DLG5: variants seen among roughly 807,000 people sequenced by gnomAD.
DLG5 encodes the protein discs large MAGUK scaffold protein 5.
In DLG5, 48 loss-of-function variants were observed where a neutral mutation model predicts 189.8. That is an observed-to-expected ratio of 0.25 (90% CI 0.20 to 0.32). DLG5 has a LOEUF of 0.32. DLG5 is among the 10% of genes least tolerant of loss of function. The pLI is 1.00. For synonymous variants in DLG5, 1,016 were observed against 1,054.1 expected (o/e 0.96, Z 0.70); for missense variants, 2,160 against 2,544.7 (o/e 0.85, Z 3.25).
intron 1 of DLG5, among the ~76,000 whole-genome samples, chr10:77,910,561 T>G (rs1846189139): frequency 6.6e-6 from 1 of 152,084 alleles, no homozygotes; most frequent in Admixed American, 6.6e-5. Flanking sequence ...GGTAAAGAAG[T>G]CTTGGAAGGA....
At chr10:77,864,699 G>A (rs910408877) in intron 2 of DLG5, among the ~76,000 whole-genome samples, 1 of 152,220 alleles carries the variant, frequency 6.6e-6, no homozygotes, top group Non-Finnish European at 1.5e-5. Flanking sequence ...GACCAAAGTT[G>A]CATTTGCATA....
chr10:77,836,277 T>C (rs1843131208), intron 7 of DLG5, among the ~76,000 whole-genome samples: 2 of 152,178 alleles, frequency 1.3e-5, no homozygotes, highest in African/African-American at 2.4e-5. Flanking sequence ...GAGAGTTATA[T>C]GCTCCACTAA....
chr10:77,862,940 T>G (rs181975573), intron 2 of DLG5, among the ~76,000 whole-genome samples: 1 of 152,122 alleles, frequency 6.6e-6, no homozygotes, highest in African/African-American at 2.4e-5. Context: ...ATTGCAAAAG[T>G]GCAGAGGGAA....
At chr10:77,800,670 A>G (rs2154574955) in intron 27 of DLG5, among the ~76,000 whole-genome samples, 1 of 152,342 alleles carries the variant, frequency 6.6e-6, no homozygotes, top group East Asian at 1.9e-4. Flanking sequence ...ATTATTCCAG[A>G]GGAAGGGAAG....
At chr10:77,927,920 A>G (rs1039520470), upstream of DLG5, 3 of 152,172 alleles carry the variant, frequency 2.0e-5, no homozygotes, top group African/African-American at 7.2e-5. Flanking sequence ...TCAAATATCT[A>G]CGTTGGAATG....
At chr10:77,871,075 C>G (rs1204944802) in intron 1 of DLG5, among the ~76,000 whole-genome samples, 2 of 152,204 alleles carry the variant, frequency 1.3e-5, no homozygotes, top group African/African-American at 2.4e-5. Context: ...TTTTCAGAGA[C>G]TCTGAAGAAT....
intron 1 of DLG5, among the ~76,000 whole-genome samples, chr10:77,917,827 G>A (rs186708654): frequency 2.6e-5 from 4 of 151,936 alleles, no homozygotes; most frequent in African/African-American, 9.7e-5. Context: ...CGGAGTTCGA[G>A]ACCAGCCTGG....
At chr10:77,873,693 C>G (rs148379702) in intron 1 of DLG5, among the ~76,000 whole-genome samples, 1 of 152,122 alleles carries the variant, frequency 6.6e-6, no homozygotes, top group Non-Finnish European at 1.5e-5. Context: ...TGGTGACTCA[C>G]GCTTCCTCTT....
chr10:77,830,708 A>G (rs1476765756), intron 10 of DLG5, 33 bp downstream of exon 10: 6 of 1,610,344 alleles, frequency 3.7e-6, no homozygotes, highest in Non-Finnish European at 5.1e-6. Flanking sequence ...CATCCATCAG[A>G]GAAGGAGAGA....
chr10:77,918,943 TG>T (rs1376395659), intron 1 of DLG5, among the ~76,000 whole-genome samples: 2 of 151,426 alleles, frequency 1.3e-5, no homozygotes, highest in African/African-American at 4.9e-5. Context: ...CGGCCGAGAG[TG>T]GTGGCTCATG....
At chr10:77,863,529 A>G (rs2154576925) in intron 2 of DLG5, among the ~76,000 whole-genome samples, 1 of 152,348 alleles carries the variant, frequency 6.6e-6, no homozygotes, top group Admixed American at 6.5e-5. Context: ...AACTTTTTAA[A>G]AACAGGCAAA....
rs780055498 is a variant in DLG5 at position 77,864,516 on chromosome 10, G to A, written c.373+4613C>T. Among the ~76,000 whole-genome samples, 9 of 152,190 alleles carry A rather than the reference G, an allele frequency of 5.9e-5. No individual in the cohort carries two copies. The South Asian group carries it at 6.2e-4, about 10-fold the overall frequency. On this transcript the variant is annotated intron_variant, in intron 2 of 31. Transcript: ENST00000372391. ...GACCCAGGCCCTGCCTGGGGTGAACGAGTGCTTCTTAAAGCACCTAAGCTT... is the reference window on the plus strand; with the variant it reads ...GACCCAGGCCCTGCCTGGGGTGAACAAGTGCTTCTTAAAGCACCTAAGCTT...
At chr10:77,819,253 T>C in intron 17 of DLG5, 68 bp downstream of exon 17, 1 of 1,609,648 alleles carries the variant, frequency 6.2e-7, no homozygotes, top group South Asian at 1.1e-5. Context: ...CTTTATGCAC[T>C]CATGGTTCCA....
At chr10:77,891,919 G>A (rs1845621195) in intron 1 of DLG5, among the ~76,000 whole-genome samples, 1 of 152,188 alleles carries the variant, frequency 6.6e-6, no homozygotes, top group Admixed American at 6.5e-5. Context: ...GAACCCTCAG[G>A]GATCTGGCTG....
Position 77,821,492 on chromosome 10 carries a change from C to T in DLG5, c.2992G>A (p.Ala998Thr), listed in dbSNP as rs139779322. 494 of 1,612,530 alleles carry T rather than the reference C, an allele frequency of 3.1e-4. No individual in the cohort carries two copies. Among genetic ancestry groups the T allele is most frequent in the Non-Finnish European group, 4.0e-4 (476 of 1,179,934 alleles). ...CTCTTGGAGGGCTGGGGAGAGTGAG[C>T]AGGCCCAGGACCTGGAAGCAGGTAG... ...IDYLLPGPGP[A>T]HSPQPSKRAG... Residue 998 changes from alanine (A) to threonine (T), a missense_variant, in exon 15 of 32, where the codon GCT becomes ACT. This residue lies in a region of DLG5 where 754 missense variants were observed against 746.5 expected (regional missense o/e 1.01). Transcript: ENST00000372391.
At position 77,812,479 on chromosome 10, in the gene DLG5, GC is replaced by G; in HGVS notation, c.4026-103del. 3 of 1,369,706 alleles carry G rather than the reference GC, an allele frequency of 2.2e-6. No individual in the cohort carries two copies. The South Asian group carries it at 4.1e-5, about 19-fold the overall frequency. The allele number at this position is 1,369,706 out of a possible 1,614,324, so 84.8% of individuals were successfully genotyped here. On this transcript the variant is annotated intron_variant, in intron 20 of 31. Transcript: ENST00000372391. The stretch of plus-strand genomic sequence containing the variant: ...CATATGATCTGACAGTGCAGAAAGG[GC>G]CCCGAGCCTGGATGCTCCCATTGTG...
intron 1 of DLG5, among the ~76,000 whole-genome samples, chr10:77,887,070 T>A (rs748167184): frequency 6.6e-6 from 1 of 152,140 alleles, no homozygotes; most frequent in Non-Finnish European, 1.5e-5. Context: ...TTGCAACCAT[T>A]TACCCATGCT....
chr10:77,883,790 G>A (rs1377467290), intron 1 of DLG5, among the ~76,000 whole-genome samples: 2 of 143,482 alleles, frequency 1.4e-5, no homozygotes, highest in African/African-American at 5.3e-5. Context: ...TCCCCCTTCT[G>A]GGTTCAAGCA....
At chr10:77,854,402 C>T in intron 3 of DLG5, 32 bp from the exon 4 acceptor site, 1 of 1,611,542 alleles carries the variant, frequency 6.2e-7, no homozygotes, top group Non-Finnish European at 8.5e-7. Context: ...CCCATGAACA[C>T]AGGCCCCAGG....
Sources: allele counts gnomAD v4.1 joint callset (sites outside exome capture counted in the v4.1 genomes callset), GRCh38; gene constraint gnomAD v4.1.1; regional missense constraint gnomAD v4.1.1; transcripts MANE v1.5; gene names NCBI Gene and HGNC (gene_info 2026-07-23, HGNC 2026-07-21).